The following TBC1D19 variants were observed in gnomAD, a reference collection of about 807,000 sequenced individuals.
TBC1D19 encodes TBC1 domain family, member 19.
Under a neutral mutation model 89.0 loss-of-function variants are expected in TBC1D19, and 60 were observed. The ratio of observed to expected loss-of-function variants is 0.67; its 90% CI spans 0.55 to 0.84. The LOEUF is 0.84. Ranked by LOEUF, TBC1D19 falls within the 40% of genes least tolerant of loss-of-function variation. The pLI, the probability that TBC1D19 is intolerant of heterozygous loss-of-function variation, is 0.00. For missense variants in TBC1D19, 500 were observed against 610.8 expected (o/e 0.82, Z 1.91); for synonymous variants, 189 against 199.7 (o/e 0.95, Z 0.45).
rs529759076 is a variant in TBC1D19 at position 26,720,665 on chromosome 4, A to C, written c.1084+540A>C. Among the ~76,000 whole-genome samples the C allele has an allele frequency of 4.6e-5, 7 of 152,206 alleles. No individual in the cohort carries two copies. The East Asian group carries it at 1.4e-3, about 29-fold the overall frequency. ...AGGTTTTAAGATATGCTTCTTGGAA[A>C]AGCAATATATAGCAGTCCTTATGAT... On this transcript the variant is annotated intron_variant, in intron 15 of 20. Transcript: ENST00000264866.
chr4:26,768,819 A>G, the TBC1D19 span, among the ~76,000 whole-genome samples: 8 of 152,112 alleles, frequency 5.3e-5, no homozygotes, highest in Non-Finnish European at 7.4e-5. Flanking sequence ...AAGATAGTCA[A>G]TTATCTGTAT....
intron 8 of TBC1D19, among the ~76,000 whole-genome samples, chr4:26,662,408 A>G (rs1745274007): frequency 6.6e-6 from 1 of 152,208 alleles, no homozygotes; most frequent in Non-Finnish European, 1.5e-5. Flanking sequence ...AGATGAAGCA[A>G]AAAGCCAAAG....
At chr4:26,761,075 T>A (rs778814584), downstream of TBC1D19, among the ~76,000 whole-genome samples, 4 of 152,250 alleles carry the variant, frequency 2.6e-5, no homozygotes, top group Non-Finnish European at 5.9e-5. Context: ...TTGTCTAACC[T>A]AATTTCAATA....
At chr4:26,847,442 T>C in the TBC1D19 span, among the ~76,000 whole-genome samples, 1 of 151,962 alleles carries the variant, frequency 6.6e-6, no homozygotes, top group Non-Finnish European at 1.5e-5. Flanking sequence ...TGAGTATCTG[T>C]TCAAAGAACG....
At chr4:26,842,535 T>TTCCC in the TBC1D19 span, among the ~76,000 whole-genome samples, 42,455 of 125,430 alleles carry the variant, frequency 0.34, 8,586 homozygotes, top group African/African-American at 0.48. Context: ...CTTCCCTTCC[T>TTCCC]TCCCTCCCTC....
chr4:26,587,949 C>G (rs1282922874), intron 1 of TBC1D19, among the ~76,000 whole-genome samples: 1 of 151,592 alleles, frequency 6.6e-6, no homozygotes, highest in Non-Finnish European at 1.5e-5. Flanking sequence ...TATATGATCC[C>G]CTTATATTCC....
intron 15 of TBC1D19, among the ~76,000 whole-genome samples, chr4:26,734,993 T>C (rs528162390): frequency 3.8e-5 from 4 of 106,002 alleles, no homozygotes; most frequent in South Asian, 3.1e-4. Flanking sequence ...TATATGTATA[T>C]ATGTATACAC....
At chr4:26,593,654 T>A (rs1386113391) in intron 1 of TBC1D19, among the ~76,000 whole-genome samples, 25 of 151,668 alleles carry the variant, frequency 1.6e-4, no homozygotes, top group African/African-American at 5.1e-4. Context: ...AAAAAAACAA[T>A]CAACCCCATC....
downstream of TBC1D19, among the ~76,000 whole-genome samples, chr4:26,759,322 T>C (rs879529244): frequency 2.0e-5 from 3 of 152,186 alleles, no homozygotes; most frequent in Non-Finnish European, 4.4e-5. Flanking sequence ...CTATTCTAAT[T>C]CACTCATTTA....
intron 19 of TBC1D19, among the ~76,000 whole-genome samples, chr4:26,752,750 G>A (rs1187091480): frequency 1.3e-5 from 2 of 152,084 alleles, no homozygotes; most frequent in African/African-American, 2.4e-5. Flanking sequence ...TTTTATGGTA[G>A]GTTATATAAG....
At chr4:26,826,374 T>C in the TBC1D19 span, among the ~76,000 whole-genome samples, 1 of 150,974 alleles carries the variant, frequency 6.6e-6, no homozygotes, top group Admixed American at 6.6e-5. Flanking sequence ...TAATCATGAA[T>C]AGAAGGATAT....
At chr4:26,832,131 C>T in the TBC1D19 span, among the ~76,000 whole-genome samples, 1 of 152,192 alleles carries the variant, frequency 6.6e-6, no homozygotes, top group Non-Finnish European at 1.5e-5. Context: ...CTCCACATGC[C>T]AAATCTTCCC....
the TBC1D19 span, among the ~76,000 whole-genome samples, chr4:26,790,795 A>G: frequency 4.1e-4 from 63 of 152,368 alleles, no homozygotes; most frequent in African/African-American, 1.4e-3. Context: ...TCAAAGAGAT[A>G]TAGTCTGAAT....
At chr4:26,671,562 T>C (rs754424243) in intron 9 of TBC1D19, among the ~76,000 whole-genome samples, 46 of 151,868 alleles carry the variant, frequency 3.0e-4, no homozygotes, top group Non-Finnish European at 5.0e-4. Flanking sequence ...CATGAATCTT[T>C]TTCCATTATG....
chr4:26,633,061 CTT>C (rs1289880526), intron 4 of TBC1D19, among the ~76,000 whole-genome samples: 1 of 152,120 alleles, frequency 6.6e-6, no homozygotes, highest in African/African-American at 2.4e-5. Context: ...GATTGACTCT[CTT>C]GTAAATCCTG....
Position 26,646,739 on chromosome 4 carries a change from A to G in TBC1D19, c.480+6552A>G, listed in dbSNP as rs558625673. ...TGCATGTTCTCACTCATAGGTGGGA[A>G]TTGAATAATGAGAACACTTGGACAC... On this transcript the variant is annotated intron_variant, in intron 7 of 20. Coordinates refer to ENST00000264866, the MANE Select transcript of TBC1D19 (RefSeq NM_018317.4). Among the ~76,000 whole-genome samples the G allele has an allele frequency of 9.2e-5, 14 of 152,284 alleles. No individual in the cohort carries two copies. The East Asian group carries it at 2.7e-3, about 29-fold the overall frequency.
Position 26,673,843 on chromosome 4 carries a change from A to G in TBC1D19, c.771A>G (p.Arg257=). ...YIRQGSPTAL[R]AELWALILNI... is the part of the protein sequence containing the mutation. ...GACAAGGAAGTCCCACGGCACTGAG[A>G]GCTGAATTGTGGGCTCTCATTTTGA... Residue 257 remains arginine, a synonymous_variant, in exon 11 of 21, where the codon AGA becomes AGG. Transcript: ENST00000264866. 6.2e-7 allele frequency: 1 copy of G among 1,609,912 alleles called. No individual in the cohort carries two copies.
chr4:26,580,586 T>A (rs2109920392), upstream of TBC1D19, among the ~76,000 whole-genome samples: 1 of 152,346 alleles, frequency 6.6e-6, no homozygotes, highest in Non-Finnish European at 1.5e-5. Flanking sequence ...CTGTGACATG[T>A]GTGATACACA....
chr4:26,834,893 C>G, the TBC1D19 span, among the ~76,000 whole-genome samples: 1 of 152,180 alleles, frequency 6.6e-6, no homozygotes, highest in Non-Finnish European at 1.5e-5. Context: ...ACCCAGCTAT[C>G]ATGCTTTCTA....
Sources: allele counts gnomAD v4.1 joint callset (sites outside exome capture counted in the v4.1 genomes callset), GRCh38; gene constraint gnomAD v4.1.1; transcripts MANE v1.5; gene names NCBI Gene and HGNC (gene_info 2026-07-23, HGNC 2026-07-21).